PCDH11X: variants seen among roughly 807,000 people sequenced by gnomAD.
PCDH11X encodes protocadherin-11 X-linked.
Under a neutral mutation model 53.3 loss-of-function variants are expected in PCDH11X, and 18 were observed. The observed-to-expected ratio is 0.34, with a 90% confidence interval of 0.23 to 0.50. PCDH11X has a LOEUF of 0.50. Ranked by LOEUF, PCDH11X falls within the 20% of genes least tolerant of loss-of-function variation. The pLI is 0.98. For synonymous variants in PCDH11X, 279 were observed against 393.3 expected, an observed-to-expected ratio of 0.71 and a Z score of 3.44; for missense variants, 570 against 1,032.4, an observed-to-expected ratio of 0.55 and a Z score of 6.14.
At chrX:92,412,947 G>T (rs2071723191) in intron 9 of PCDH11X, among the ~76,000 whole-genome samples, 1 of 106,605 alleles carries the variant, frequency 9.4e-6, no homozygotes, top group South Asian at 4.3e-4. Context: ...CTAAGAAATT[G>T]CTTTGTCTTT....
intron 9 of PCDH11X, among the ~76,000 whole-genome samples, chrX:92,419,075 T>C (rs969037980): frequency 2.9e-5 from 3 of 104,520 alleles, no homozygotes; most frequent in Non-Finnish European, 3.9e-5. Flanking sequence ...TGTATATATA[T>C]GTAGGATTGT....
In PCDH11X at chrX:91,983,356, C is replaced by T; in HGVS notation, c.3033+104083C>T. 4 of 1,115,877 alleles carry T rather than the reference C, an allele frequency of 3.6e-6. No homozygotes were observed. The South Asian group carries it at 7.3e-5, about 20-fold the overall frequency. 92.0% of individuals were successfully genotyped at this position (1,115,877 alleles called of 1,213,427 possible). On this transcript the variant is annotated intron_variant, in intron 6 of 10. Coordinates refer to ENST00000682573, the MANE Select transcript of PCDH11X (RefSeq NM_032968.5). Reference sequence around the variant, plus strand: ...CCAGACTGCCCGTCACTTTGGTGGTCTCAGTATTGGCTGAGCCTGAGCTTG... The same window carrying T: ...CCAGACTGCCCGTCACTTTGGTGGTTTCAGTATTGGCTGAGCCTGAGCTTG...
At chrX:92,262,249 T>C (rs1264202127) in intron 7 of PCDH11X, among the ~76,000 whole-genome samples, 1 of 111,719 alleles carries the variant, frequency 9.0e-6, no homozygotes, top group African/African-American at 3.2e-5. Flanking sequence ...TCTGTGATTC[T>C]TTGTATTCAA....
chrX:91,860,259 T>C (rs1195867375), intron 5 of PCDH11X, among the ~76,000 whole-genome samples: 2 of 107,247 alleles, frequency 1.9e-5, no homozygotes, highest in African/African-American at 6.8e-5. Flanking sequence ...ATGATTTGGC[T>C]CTCTGCTTAT....
intron 9 of PCDH11X, among the ~76,000 whole-genome samples, chrX:92,394,104 T>C (rs763790661): frequency 1.8e-5 from 2 of 111,319 alleles, no homozygotes; most frequent in Admixed American, 9.6e-5. Context: ...TTGGAGTATA[T>C]AGGCTTTGTG....
At chrX:92,536,551 T>A (rs188892657) in intron 10 of PCDH11X, among the ~76,000 whole-genome samples, 147 of 110,762 alleles carry the variant, frequency 1.3e-3, no homozygotes, top group African/African-American at 4.7e-3. Flanking sequence ...TTCTCCATAT[T>A]GTTTATAATA....
In PCDH11X at chrX:92,290,756, G is replaced by C. The variant is rs748214582; in HGVS notation, c.3144+27613G>C. On this transcript the variant is annotated intron_variant, in intron 8 of 10. Transcript: ENST00000682573. ...TTTCAGGAGGCAAAGTTATTGTATA[G>C]TATTTGTACTTGTATATTAGTAACA... Among the ~76,000 whole-genome samples, 281 of 103,387 alleles carry C rather than the reference G, an allele frequency of 2.7e-3. 2 individuals carry two copies. Among genetic ancestry groups the C allele is most frequent in the African/African-American group, 9.6e-3 (273 of 28,308 alleles). The allele number at this position is 103,387 out of a possible 115,157, so 89.8% of individuals were successfully genotyped here.
chrX:92,545,168 T>C (rs940705702), intron 10 of PCDH11X, among the ~76,000 whole-genome samples: 18 of 111,049 alleles, frequency 1.6e-4, no homozygotes, highest in African/African-American at 5.9e-4. Flanking sequence ...TTGTAATGAT[T>C]AGCAAGTAAG....
At chrX:92,587,361 A>T (rs1473816290) in intron 10 of PCDH11X, among the ~76,000 whole-genome samples, 2 of 111,492 alleles carry the variant, frequency 1.8e-5, no homozygotes, top group African/African-American at 6.5e-5. Flanking sequence ...AATAATAAGG[A>T]GCATCAGCAG....
chrX:92,413,681 G>C (rs1298849282), intron 9 of PCDH11X, among the ~76,000 whole-genome samples: 1 of 109,909 alleles, frequency 9.1e-6, no homozygotes, highest in Non-Finnish European at 1.9e-5. Flanking sequence ...GTTGTGACAG[G>C]CTGGGAAGGC....
intron 10 of PCDH11X, among the ~76,000 whole-genome samples, chrX:92,569,488 G>T (rs1299084091): frequency 9.2e-6 from 1 of 108,770 alleles, no homozygotes; most frequent in Non-Finnish European, 1.9e-5. Flanking sequence ...TAAACATATA[G>T]AAAACATTAA....
chrX:91,997,554 T>C (rs1480033488), intron 6 of PCDH11X, among the ~76,000 whole-genome samples: 1 of 112,163 alleles, frequency 8.9e-6, no homozygotes, highest in Non-Finnish European at 1.9e-5. Flanking sequence ...ATCATTGCAT[T>C]CCAGAAATAA....
chrX:91,922,086 A>C (rs1941763141), intron 6 of PCDH11X, among the ~76,000 whole-genome samples: 1 of 111,123 alleles, frequency 9.0e-6, no homozygotes, highest in Non-Finnish European at 1.9e-5. Context: ...TAGTTATGAA[A>C]TGAGTCAAGA....
chrX:92,278,550 G>A (rs1387390929), intron 8 of PCDH11X, among the ~76,000 whole-genome samples: 1 of 110,754 alleles, frequency 9.0e-6, no homozygotes, highest in African/African-American at 3.3e-5. Flanking sequence ...TTCTCTGGTG[G>A]GCAGGGGCGG....
intron 6 of PCDH11X, among the ~76,000 whole-genome samples, chrX:92,056,410 T>C (rs1348133880): frequency 1.8e-5 from 2 of 111,871 alleles, no homozygotes; most frequent in African/African-American, 6.5e-5. Context: ...AAATTTAAGT[T>C]CCTTATACAT....
At chrX:92,494,454 G>A (rs1231841503) in intron 10 of PCDH11X, among the ~76,000 whole-genome samples, 1 of 107,764 alleles carries the variant, frequency 9.3e-6, no homozygotes, top group Non-Finnish European at 1.9e-5. Context: ...TTTATTCTAT[G>A]AAAAATGAAG....
chrX:91,976,090 T>C (rs189736684), intron 6 of PCDH11X, among the ~76,000 whole-genome samples: 37 of 111,783 alleles, frequency 3.3e-4, no homozygotes, highest in Non-Finnish European at 5.1e-4. Flanking sequence ...TCCCACTCTG[T>C]CGCCCAGGCT....
chrX:92,287,523 C>G (rs2068401656), intron 8 of PCDH11X, among the ~76,000 whole-genome samples: 1 of 111,488 alleles, frequency 9.0e-6, no homozygotes, highest in Non-Finnish European at 1.9e-5. Context: ...ATTCTGTCTT[C>G]CCACTACAGC....
intron 7 of PCDH11X, among the ~76,000 whole-genome samples, chrX:92,206,489 C>A (rs762172568): frequency 3.6e-5 from 4 of 111,205 alleles, no homozygotes; most frequent in Non-Finnish European, 7.5e-5. Flanking sequence ...AATTAACATT[C>A]ATGATACAGA....
Sources: gnomAD v4.1 joint callset for allele counts (sites outside exome capture counted in the v4.1 genomes callset) on GRCh38, gnomAD v4.1.1 for gene constraint, MANE v1.5 for transcripts, NCBI Gene and HGNC (gene_info 2026-07-23, HGNC 2026-07-21) for gene names.